NELL1: variants seen among roughly 807,000 people sequenced by gnomAD.
NELL1 encodes the protein neural EGFL like 1.
Under a neutral mutation model 107.4 loss-of-function variants are expected in NELL1, and 76 were observed. The ratio of observed to expected loss-of-function variants is 0.71; its 90% CI spans 0.59 to 0.86. NELL1 has a LOEUF of 0.86. Among genes scored for constraint, NELL1 ranks in the 40% least tolerant of loss-of-function variants. The pLI is 0.00. For synonymous variants in NELL1, 353 were observed against 341.2 expected (o/e 1.03, Z -0.38); for missense variants, 1,024 against 1,005.5 (o/e 1.02, Z -0.25).
intron 13 of NELL1, among the ~76,000 whole-genome samples, chr11:21,201,237 A>T (rs1252661920): frequency 1.3e-5 from 2 of 152,182 alleles, no homozygotes; most frequent in Non-Finnish European, 2.9e-5. Context: ...GGCCATTTTC[A>T]CAATATTGAG....
chr11:20,769,288 C>T (rs1856595048), intron 2 of NELL1: 1 of 152,284 alleles, frequency 6.6e-6, no homozygotes, highest in South Asian at 2.1e-4. Context: ...ATAAAGGAGC[C>T]TCTAGACAGC....
intron 12 of NELL1, among the ~76,000 whole-genome samples, chr11:21,045,893 C>T (rs563015573): frequency 1.3e-5 from 2 of 152,250 alleles, no homozygotes; most frequent in South Asian, 2.1e-4. Flanking sequence ...TATAATCCCC[C>T]CAACACACAC....
chr11:20,952,205 T>G (rs916402448), intron 11 of NELL1, among the ~76,000 whole-genome samples: 3 of 152,190 alleles, frequency 2.0e-5, no homozygotes, highest in African/African-American at 4.8e-5. Flanking sequence ...TCTTTAATGT[T>G]GCCAATGACG....
intron 13 of NELL1, among the ~76,000 whole-genome samples, chr11:21,125,654 G>A (rs1442270586): frequency 1.3e-5 from 2 of 152,112 alleles, no homozygotes; most frequent in African/African-American, 2.4e-5. Context: ...CTGGGAGAAA[G>A]GACATTTATT....
chr11:21,393,065 C>T (rs1293189361), intron 15 of NELL1, among the ~76,000 whole-genome samples: 2 of 150,260 alleles, frequency 1.3e-5, no homozygotes, highest in Non-Finnish European at 3.0e-5. Flanking sequence ...GTGATTTGGA[C>T]GTGAGCTTTC....
At chr11:21,515,867 C>T (rs891892941) in intron 15 of NELL1, among the ~76,000 whole-genome samples, 6 of 152,148 alleles carry the variant, frequency 3.9e-5, no homozygotes, top group Non-Finnish European at 8.8e-5. Context: ...GGAGGTAGAG[C>T]AAATGAAGCT....
chr11:20,784,559 A>G (rs979929355), intron 3 of NELL1, among the ~76,000 whole-genome samples: 1 of 152,156 alleles, frequency 6.6e-6, no homozygotes, highest in Non-Finnish European at 1.5e-5. Context: ...GGCTGGTATT[A>G]TAGAGGTAGG....
intron 5 of NELL1, among the ~76,000 whole-genome samples, chr11:20,916,685 A>G (rs1850265390): frequency 6.6e-6 from 1 of 151,806 alleles, no homozygotes; most frequent in Non-Finnish European, 1.5e-5. Flanking sequence ...GAATTTTTCC[A>G]TGTTCCAGGA....
At chr11:21,451,828 C>T (rs550451718) in intron 15 of NELL1, among the ~76,000 whole-genome samples, 3 of 151,902 alleles carry the variant, frequency 2.0e-5, no homozygotes, top group South Asian at 2.1e-4. Context: ...TTGGTCATGG[C>T]GAGACAATGG....
chr11:21,380,735 ACT>A (rs1431469043), intron 15 of NELL1, among the ~76,000 whole-genome samples: 1 of 151,984 alleles, frequency 6.6e-6, no homozygotes, highest in Non-Finnish European at 1.5e-5. Context: ...AGCTGTTTTT[ACT>A]CTCATTGTCC....
chr11:20,765,807 A>C (rs1564899655), intron 2 of NELL1, among the ~76,000 whole-genome samples: 1 of 152,162 alleles, frequency 6.6e-6, no homozygotes. Context: ...TTAAATTTGC[A>C]TTTTTAATTG....
intron 2 of NELL1, among the ~76,000 whole-genome samples, chr11:20,751,185 T>C (rs561183128): frequency 2.0e-5 from 3 of 152,126 alleles, no homozygotes; most frequent in Non-Finnish European, 4.4e-5. Flanking sequence ...TTTTTTTTTT[T>C]TATGACTGCT....
intron 12 of NELL1, among the ~76,000 whole-genome samples, chr11:21,102,485 C>G (rs1172237090): frequency 6.6e-6 from 1 of 152,154 alleles, no homozygotes; most frequent in Non-Finnish European, 1.5e-5. Flanking sequence ...TGACCTTAGA[C>G]TAGTTGCTTA....
chr11:20,966,602 G>T (rs1013920598), intron 12 of NELL1, among the ~76,000 whole-genome samples: 3 of 151,926 alleles, frequency 2.0e-5, no homozygotes, highest in African/African-American at 7.3e-5. Flanking sequence ...CAGTACCCAG[G>T]TATCTGTCAA....
intron 12 of NELL1, among the ~76,000 whole-genome samples, chr11:21,083,954 A>C (rs1183394193): frequency 6.6e-6 from 1 of 152,188 alleles, no homozygotes; most frequent in African/African-American, 2.4e-5. Context: ...AGAAATATAC[A>C]AGGAGCCTTA....
chr11:21,496,131 A>T (rs984859611), intron 15 of NELL1, among the ~76,000 whole-genome samples: 4 of 151,964 alleles, frequency 2.6e-5, no homozygotes, highest in African/African-American at 9.7e-5. Flanking sequence ...TTTTATGATT[A>T]TGTGTCCTTC....
intron 12 of NELL1, among the ~76,000 whole-genome samples, chr11:21,080,525 T>G (rs142512441): frequency 9.9e-5 from 15 of 152,250 alleles, no homozygotes; most frequent in African/African-American, 3.1e-4. Flanking sequence ...ATTATATCTT[T>G]CTATGCCTAT....
At chr11:21,002,379 C>T (rs2134275090) in intron 12 of NELL1, among the ~76,000 whole-genome samples, 1 of 152,246 alleles carries the variant, frequency 6.6e-6, no homozygotes. Flanking sequence ...AATATTATGC[C>T]TATAGCAGGG....
intron 14 of NELL1, among the ~76,000 whole-genome samples, chr11:21,353,452 G>A (rs1233480581): frequency 1.3e-5 from 2 of 152,140 alleles, no homozygotes; most frequent in African/African-American, 4.8e-5. Context: ...TTTTTCCACA[G>A]ACTATGCTTT....
Sources: allele counts gnomAD v4.1 joint callset (sites outside exome capture counted in the v4.1 genomes callset), GRCh38; gene constraint gnomAD v4.1.1; transcripts MANE v1.5; gene names NCBI Gene and HGNC (gene_info 2026-07-23, HGNC 2026-07-21).